The following MTUS1 variants were observed in gnomAD, a reference collection of about 807,000 sequenced individuals.
MTUS1 encodes microtubule-associated tumor suppressor 1.
A neutral mutation model predicts 120.8 loss-of-function variants in MTUS1; 109 were observed. That is an observed-to-expected ratio of 0.90 (90% CI 0.77 to 1.06). The LOEUF is 1.06. Ranked by LOEUF, MTUS1 falls within the 50% of genes least tolerant of loss-of-function variation. The pLI is 0.00. For missense variants in MTUS1, 2,210 were observed against 1,486.3 expected (o/e 1.49, Z -8.01); for synonymous variants, 737 against 550.5 (o/e 1.34, Z -4.74).
At chr8:17,736,527 T>G (rs1266248515) in intron 3 of MTUS1, among the ~76,000 whole-genome samples, 1 of 152,222 alleles carries the variant, frequency 6.6e-6, no homozygotes, top group Non-Finnish European at 1.5e-5. Flanking sequence ...GAGGCCTTTC[T>G]TGACCAACCG....
At position 17,653,493 on chromosome 8, in the gene MTUS1, T is replaced by C. The variant is rs1807499875; in HGVS notation, c.3220A>G (p.Lys1074Glu). 1 of 1,607,362 alleles carries C rather than the reference T, an allele frequency of 6.2e-7. No individual in the cohort carries two copies. Among genetic ancestry groups the C allele is most frequent in the East Asian group, 2.2e-5 (1 of 44,834 alleles). ...TTCTTTTCTATTTCATGGCCTTTCTTAATTTCTGGGAAAATAAACGGATAT... is the reference window on the plus strand; with the variant it reads ...TTCTTTTCTATTTCATGGCCTTTCTCAATTTCTGGGAAAATAAACGGATAT... ...KAYEASLSEIKKGHEIEKKSL... is the reference protein window; with the variant it reads ...KAYEASLSEIEKGHEIEKKSL... The change falls in exon 11 of 15, where the codon AAG becomes GAG. Residue 1074 changes from lysine to glutamate, a missense_variant. By Grantham distance (56) the Lys-to-Glu change is moderately conservative. Coordinates refer to ENST00000693296, the MANE Select transcript of MTUS1 (RefSeq NM_001363059.2).
intron 1 of MTUS1, among the ~76,000 whole-genome samples, chr8:17,768,432 A>C (rs2049738086): frequency 6.6e-6 from 1 of 152,220 alleles, no homozygotes; most frequent in African/African-American, 2.4e-5. Context: ...TCCAAGGAAA[A>C]CTAATTTGCT....
chr8:17,748,490 G>A (rs1036078956), intron 2 of MTUS1, among the ~76,000 whole-genome samples: 24 of 152,292 alleles, frequency 1.6e-4, no homozygotes, highest in African/African-American at 5.8e-4. Context: ...CTACTGGAGG[G>A]CAGCTGCCCC....
At chr8:17,660,551 G>T (rs1348736852) in intron 8 of MTUS1, among the ~76,000 whole-genome samples, 1 of 152,102 alleles carries the variant, frequency 6.6e-6, no homozygotes, top group Non-Finnish European at 1.5e-5. Flanking sequence ...TATATACCCA[G>T]AAGGAATTGC....
chr8:17,749,541 A>G lies in MTUS1; in HGVS notation c.2091+4176T>C, dbSNP rs530701268. ...CTGGGTGTGGTGGTCCTCACCTGTA[A>G]TCCCAGCTACTCAAAAGGCTGAGGC... On this transcript the variant is annotated intron_variant, in intron 2 of 14. Coordinates refer to ENST00000693296, the MANE Select transcript of MTUS1 (RefSeq NM_001363059.2). 2.6e-5 allele frequency among the ~76,000 whole-genome samples: 4 copies of G among 151,892 alleles called. No individual in the cohort carries two copies. In the South Asian group the frequency reaches 8.3e-4, roughly 32 times the overall value.
intron 6 of MTUS1, among the ~76,000 whole-genome samples, chr8:17,707,240 G>T (rs971396060): frequency 2.0e-5 from 3 of 152,212 alleles, no homozygotes; most frequent in Admixed American, 2.0e-4. Context: ...CAGTTACATA[G>T]AAAACTATTA....
chr8:17,706,243 T>C (rs1270491456), intron 6 of MTUS1: 2 of 152,194 alleles, frequency 1.3e-5, no homozygotes, highest in East Asian at 1.9e-4. Flanking sequence ...AACAATTCTA[T>C]GATGTCATAT....
At chr8:17,672,904 G>T (rs866909719) in intron 8 of MTUS1, among the ~76,000 whole-genome samples, 1 of 152,202 alleles carries the variant, frequency 6.6e-6, no homozygotes, top group African/African-American at 2.4e-5. Context: ...CCCAACTGCG[G>T]TTGCTTAATT....
At position 17,737,715 on chromosome 8, in the gene MTUS1, G is replaced by A. The variant is rs369759765; in HGVS notation, c.2287+5889C>T. ...TTGCCCAGGTGGGTCTCAATCTCTTGGGCTCAAGTAATCCTCCCACTTCAT... is the reference window on the plus strand; with the variant it reads ...TTGCCCAGGTGGGTCTCAATCTCTTAGGCTCAAGTAATCCTCCCACTTCAT... On this transcript the variant is annotated intron_variant, in intron 3 of 14. Transcript: ENST00000693296. 7.2e-5 allele frequency among the ~76,000 whole-genome samples: 11 copies of A among 152,170 alleles called. No individual in the cohort carries two copies. In the East Asian group the frequency reaches 1.5e-3, roughly 21 times the overall value.
chr8:17,649,133 G>C (rs1007492143), intron 13 of MTUS1, among the ~76,000 whole-genome samples: 1 of 151,754 alleles, frequency 6.6e-6, no homozygotes, highest in Admixed American at 6.5e-5. Flanking sequence ...ATGTCGCCCA[G>C]GCTGGAATGC....
At chr8:17,777,194 T>C (rs571632536) in intron 1 of MTUS1, among the ~76,000 whole-genome samples, 1 of 152,196 alleles carries the variant, frequency 6.6e-6, no homozygotes, top group East Asian at 1.9e-4. Flanking sequence ...CCCAGCACTT[T>C]GGGAGGTCAA....
intron 7 of MTUS1, among the ~76,000 whole-genome samples, chr8:17,680,379 G>C (rs909930698): frequency 7.0e-6 from 1 of 143,608 alleles, no homozygotes. Context: ...CAGGAGAACT[G>C]GTTGAACCCA....
chr8:17,644,391 C>A lies in MTUS1; in HGVS notation c.*1535G>T, dbSNP rs1437775386. 1 of 152,610 alleles carries A rather than the reference C, an allele frequency of 6.6e-6. No homozygotes were observed. The highest frequency in any genetic ancestry group is 1.5e-5 in the Non-Finnish European group (1 of 68,038). The allele number at this position is 152,610 out of a possible 1,614,324, so 9.5% of individuals were successfully genotyped here. ...ACTACAGCTGTTATTTGTACAGCCA[C>A]TGAATGTAGATTAGTAAATACTGAC... On this transcript the variant is annotated 3_prime_UTR_variant, in exon 15 of 15. Transcript: ENST00000693296.
In MTUS1 at chr8:17,720,996, G is replaced by T. The variant is rs569161222; in HGVS notation, c.2449+2676C>A. On this transcript the variant is annotated intron_variant, in intron 4 of 14. Coordinates refer to ENST00000693296, the MANE Select transcript of MTUS1 (RefSeq NM_001363059.2). ...TTGATTTGGTCATTTAAAAAATTTA[G>T]TAACATTATTTCTATAGGATCCCAA... 1.1e-4 allele frequency among the ~76,000 whole-genome samples: 17 copies of T among 152,242 alleles called. No homozygotes were observed. The East Asian group carries it at 3.3e-3, about 29-fold the overall frequency.
chr8:17,696,871 G>C (rs1441764179), intron 6 of MTUS1, among the ~76,000 whole-genome samples: 12 of 152,102 alleles, frequency 7.9e-5, no homozygotes, highest in Admixed American at 7.9e-4. Context: ...AAAACGATGG[G>C]AACCTTCTCA....
intron 1 of MTUS1, among the ~76,000 whole-genome samples, chr8:17,773,388 T>A (rs953872644): frequency 5.3e-5 from 8 of 152,172 alleles, no homozygotes; most frequent in Non-Finnish European, 1.0e-4. Flanking sequence ...AAGCCCAGTG[T>A]CTATATCAAT....
In MTUS1 at chr8:17,775,483, A is replaced by G. The variant is rs143724339; in HGVS notation, c.-154-19522T>C. ...TACACGACAGCATGCATCACGCCCT[A>G]CACACCTGCCAGGTGGAAGCTTTTC... On this transcript the variant is annotated intron_variant, in intron 1 of 14. Transcript: ENST00000693296. Among the ~76,000 whole-genome samples, 52 of 152,330 alleles carry G rather than the reference A, an allele frequency of 3.4e-4. No individual in the cohort carries two copies. In the East Asian group the frequency reaches 6.9e-3, roughly 20 times the overall value.
chr8:17,775,116 T>C (rs754344566), intron 1 of MTUS1, among the ~76,000 whole-genome samples: 9 of 152,040 alleles, frequency 5.9e-5, no homozygotes, highest in Non-Finnish European at 8.8e-5. Flanking sequence ...TGGGGAGCTA[T>C]TGTTAAATGG....
intron 1 of MTUS1, among the ~76,000 whole-genome samples, chr8:17,782,742 T>A (rs528306388): frequency 4.6e-5 from 7 of 152,244 alleles, no homozygotes; most frequent in African/African-American, 1.7e-4. Flanking sequence ...GTGTAAAAAA[T>A]GTTTCATTCC....
Sources: gnomAD v4.1 joint callset for allele counts (sites outside exome capture counted in the v4.1 genomes callset) on GRCh38, gnomAD v4.1.1 for gene constraint, MANE v1.5 for transcripts, NCBI Gene and HGNC (gene_info 2026-07-23, HGNC 2026-07-21) for gene names.